The following LONP1 variants were observed in gnomAD, a reference collection of about 807,000 sequenced individuals.
LONP1 encodes lon protease homolog, mitochondrial.
LONP1 carries 31 observed loss-of-function variants against 98.5 expected under a neutral mutation model. The ratio of observed to expected loss-of-function variants is 0.31; its 90% CI spans 0.24 to 0.42. LONP1 has a LOEUF of 0.42. Among genes scored for constraint, LONP1 ranks in the 20% least tolerant of loss-of-function variants. The probability of loss-of-function intolerance (pLI) is 1.00; values close to 1 mark genes in which losing one functional copy is unlikely to be tolerated. For missense variants in LONP1, 1,336 were observed against 1,350.6 expected (o/e 0.99, Z 0.17); for synonymous variants, 781 against 594.7 (o/e 1.31, Z -4.56).
In LONP1 at chr19:5,711,888, G is replaced by T; in HGVS notation, c.753C>A (p.Ser251Arg). The change falls in exon 4 of 18, where the codon AGC becomes AGA. Residue 251 changes from serine (S) to arginine (R), a missense_variant. Around this residue, in one of 5 missense-constraint regions of LONP1, gnomAD observed 457 missense variants for 403.1 expected, o/e 1.13. Coordinates refer to ENST00000360614, the MANE Select transcript of LONP1 (RefSeq NM_004793.4). ...RGKKEAEDEL[S>R]ARHPAELAME... Reference sequence around the variant, plus strand: ...TCGCCAGCTCCGCCGGGTGCCTGGCGCTCAGCTCGTCCTCCGCCTCCTTCT... The same window carrying T: ...TCGCCAGCTCCGCCGGGTGCCTGGCTCTCAGCTCGTCCTCCGCCTCCTTCT... 6.2e-6 allele frequency: 10 copies of T among 1,612,930 alleles called. No individual in the cohort carries two copies. Among genetic ancestry groups the T allele is most frequent in the Non-Finnish European group, 8.5e-6 (10 of 1,179,978 alleles).
At chr19:5,719,529 C>T (rs2055390245) in intron 1 of LONP1, among the ~76,000 whole-genome samples, 175 bp downstream of exon 1, 1 of 152,232 alleles carries the variant, frequency 6.6e-6, no homozygotes, top group African/African-American at 2.4e-5. Context: ...AGGGAGAGGA[C>T]TTTGGCTCAA....
chr19:5,714,223 C>G lies in LONP1; in HGVS notation c.478G>C (p.Ala160Pro), dbSNP rs148374055. 3 of 1,613,978 alleles carry G rather than the reference C, an allele frequency of 1.9e-6. No individual in the cohort carries two copies. The highest frequency in any genetic ancestry group is 2.5e-6 in the Non-Finnish European group (3 of 1,179,944). The change falls in exon 2 of 18, where the codon GCC (alanine) becomes CCC (proline). Residue 160 changes from alanine to proline, a missense_variant. Physicochemically the swap from Ala to Pro is conservative, Grantham distance 27. Around this residue, in one of 5 missense-constraint regions of LONP1, gnomAD observed 457 missense variants for 403.1 expected, o/e 1.13. Coordinates refer to ENST00000360614, the MANE Select transcript of LONP1 (RefSeq NM_004793.4). Reference sequence around the variant, plus strand: ...AGAAAGACGCCGACATAAGGCTGGGCGAGACGAACTTTCCTTCTCAGCAGC... The same window carrying G: ...AGAAAGACGCCGACATAAGGCTGGGGGAGACGAACTTTCCTTCTCAGCAGC... ...VELLRRKVRL[A>P]QPYVGVFLKR...
intron 1 of LONP1, among the ~76,000 whole-genome samples, chr19:5,716,730 CTGAAGAAAGGGT>C (rs2055330586): frequency 1.3e-5 from 2 of 152,158 alleles, no homozygotes; most frequent in Admixed American, 1.3e-4. Flanking sequence ...ATTTTACTTT[CTGAAGAAAGGGT>C]GCTCCTCGCA....
intron 8 of LONP1, among the ~76,000 whole-genome samples, chr19:5,705,536 T>C (rs1438967900): frequency 2.6e-5 from 4 of 151,192 alleles, no homozygotes; most frequent in African/African-American, 9.7e-5. Context: ...CACCTGCCAA[T>C]TCACAGGCCC....
At position 5,713,190 on chromosome 19, in the gene LONP1, G is replaced by A; in HGVS notation, c.582C>T (p.Ile194=). ...TGTCCCCAAGGTCCTGCATCTCATGGATCTGGGCAAACGTCCCCGTGTGGT... is the reference window on the plus strand; with the variant it reads ...TGTCCCCAAGGTCCTGCATCTCATGAATCTGGGCAAACGTCCCCGTGTGGT... ...EIYHTGTFAQ[I]HEMQDLGDKL... The change falls in exon 3 of 18, where the codon ATC becomes ATT. Residue 194 remains isoleucine (I), a synonymous_variant. Coordinates refer to ENST00000360614, the MANE Select transcript of LONP1 (RefSeq NM_004793.4). 1.9e-6 allele frequency: 3 copies of A among 1,614,186 alleles called. 1 individual carries two copies. The South Asian group carries it at 3.3e-5, about 18-fold the overall frequency.
Position 5,708,140 on chromosome 19 carries a change from A to G in LONP1, c.932+202T>C, listed in dbSNP as rs79310091. On this transcript the variant is annotated intron_variant, in intron 5 of 17. Coordinates refer to ENST00000360614, the MANE Select transcript of LONP1 (RefSeq NM_004793.4). ...TTCCGGCCTCAGCAGAAGGGGACAA[A>G]GAAACTGGGCCTGCTGAGTCGGCCC... The G allele has an allele frequency of 0.023, 14,110 of 622,174 alleles. 211 individuals carry two copies. The highest frequency in any genetic ancestry group is 0.034 in the East Asian group (1,222 of 36,274). The allele number at this position is 622,174 out of a possible 1,614,324, so 38.5% of individuals were successfully genotyped here. A position where few individuals can be genotyped will look rare whatever the true frequency, so the allele number is the denominator to read the frequency against.
chr19:5,713,034 C>T (rs1051931367), intron 3 of LONP1, 100 bp downstream of exon 3: 18 of 1,540,620 alleles, frequency 1.2e-5, no homozygotes, highest in South Asian at 7.9e-5. Context: ...GCTGGGCTGA[C>T]GGACAGGGCA....
intron 1 of LONP1, among the ~76,000 whole-genome samples, chr19:5,719,088 A>C (rs922460657): frequency 1.3e-5 from 2 of 152,112 alleles, no homozygotes; most frequent in Non-Finnish European, 2.9e-5. Flanking sequence ...TTTTTAAGAG[A>C]CAGGGTCTCG....
chr19:5,708,484 G>A, intron 4 of LONP1, 81 bp from the exon 5 acceptor site: 1 of 1,249,094 alleles, frequency 8.0e-7, no homozygotes, highest in Non-Finnish European at 1.1e-6. Context: ...GGCCCTGGGA[G>A]CCCCACCCAC....
intron 9 of LONP1, among the ~76,000 whole-genome samples, chr19:5,699,643 A>T (rs2055006235): frequency 7.0e-6 from 1 of 143,230 alleles, no homozygotes; most frequent in African/African-American, 2.6e-5. Flanking sequence ...CTGCAACCTC[A>T]GCCTCCTGGG....
At chr19:5,701,933 C>T (rs1216237135) in intron 8 of LONP1, among the ~76,000 whole-genome samples, 2 of 151,964 alleles carry the variant, frequency 1.3e-5, no homozygotes, top group African/African-American at 4.8e-5. Context: ...AGCGCCTCTG[C>T]CCGGCCGCGA....
chr19:5,720,269 G>T, upstream of LONP1: 1 of 1,220,482 alleles, frequency 8.2e-7, no homozygotes, highest in Non-Finnish European at 1.1e-6. Flanking sequence ...GGGCCTACGC[G>T]GAGAAGAGGG....
At chr19:5,714,359 A>T in intron 1 of LONP1, 88 bp from the exon 2 acceptor site, 1 of 915,820 alleles carries the variant, frequency 1.1e-6, no homozygotes, top group African/African-American at 1.6e-5. Flanking sequence ...CTGGAATGTA[A>T]TGGCGTGATC....
At position 5,705,826 on chromosome 19, in the gene LONP1, A is replaced by C; in HGVS notation, c.1313T>G (p.Val438Gly). 6.2e-7 allele frequency: 1 copy of C among 1,614,182 alleles called. No homozygotes were observed. The highest frequency in any genetic ancestry group is 1.3e-5 in the African/African-American group (1 of 75,062). Residue 438 changes from valine (V) to glycine (G), a missense_variant, in exon 8 of 18, where the codon GTG (valine) becomes GGG (glycine). Val to Gly is a moderately radical substitution (Grantham distance 109, BLOSUM62 -3). Coordinates refer to ENST00000360614, the MANE Select transcript of LONP1 (RefSeq NM_004793.4). ...LVVPKHVMDV[V>G]DEELSKLGLL... ...GCCCAGCTTGCTCAGCTCCTCGTCC[A>C]CAACATCCATGACGTGCTTGGGGAC...
At position 5,700,822 on chromosome 19, in the gene LONP1, G is replaced by A. The variant is rs1213378972; in HGVS notation, c.1473C>T (p.His491=). 1 of 1,614,206 alleles carries A rather than the reference G, an allele frequency of 6.2e-7. No homozygotes were observed. The highest frequency in any genetic ancestry group is 1.7e-5 in the Admixed American group (1 of 60,028). Reference sequence around the variant, plus strand: ...GTTTCTTGACGTCCTCCATGCCGTAGTGGTCTTCCTCCAGCACTGCCTGTG... The same window carrying A: ...GTTTCTTGACGTCCTCCATGCCGTAATGGTCTTCCTCCAGCACTGCCTGTG... ...ARAQAVLEED[H]YGMEDVKKRI... The change falls in exon 9 of 18, where the codon CAC becomes CAT. Residue 491 remains histidine, a synonymous_variant. Transcript: ENST00000360614.
intron 7 of LONP1, among the ~76,000 whole-genome samples, chr19:5,706,677 A>G (rs2055150655): frequency 6.6e-6 from 1 of 152,156 alleles, no homozygotes; most frequent in Non-Finnish European, 1.5e-5. Context: ...GATCTGCCGA[A>G]AATCATGACA....
At chr19:5,718,705 T>C (rs1599485987) in intron 1 of LONP1, among the ~76,000 whole-genome samples, 1 of 152,192 alleles carries the variant, frequency 6.6e-6, no homozygotes, top group South Asian at 2.1e-4. Context: ...AGTAGTTTTT[T>C]TTTTTAAGGG....
At chr19:5,716,253 AATATACATATATATATATATATAT>A (rs1376775795) in intron 1 of LONP1, among the ~76,000 whole-genome samples, 24 of 71,730 alleles carry the variant, frequency 3.3e-4, no homozygotes, top group Non-Finnish European at 5.8e-4. Flanking sequence ...ATAAAGTTAA[AATATACATATATATATATATATAT>A]ATATATATAT....
intron 8 of LONP1, among the ~76,000 whole-genome samples, chr19:5,702,677 A>G (rs1156446797): frequency 2.0e-5 from 3 of 152,170 alleles, no homozygotes; most frequent in Admixed American, 6.5e-5. Context: ...GTACTAAGAA[A>G]AATTCTTCTG....
Sources: gnomAD v4.1 joint callset for allele counts (sites outside exome capture counted in the v4.1 genomes callset) on GRCh38, gnomAD v4.1.1 for gene constraint, gnomAD v4.1.1 regional missense constraint, MANE v1.5 for transcripts, NCBI Gene and HGNC (gene_info 2026-07-23, HGNC 2026-07-21) for gene names.